Variants in PRMT3 observed in about 807,000 individuals in gnomAD.
The protein encoded by PRMT3 is protein arginine methyltransferase 3.
A neutral mutation model predicts 71.9 loss-of-function variants in PRMT3; 62 were observed. That is an observed-to-expected ratio of 0.86 (90% CI 0.70 to 1.07). PRMT3 has a LOEUF of 1.07. Among genes scored for constraint, PRMT3 ranks in the 50% least tolerant of loss-of-function variants. PRMT3 has a pLI of 0.00. For missense variants in PRMT3, 663 were observed against 643.0 expected (o/e 1.03, Z -0.34); for synonymous variants, 213 against 220.4 (o/e 0.97, Z 0.30).
chr11:20,418,742 A>G (rs533447981), intron 9 of PRMT3, among the ~76,000 whole-genome samples: 29 of 152,204 alleles, frequency 1.9e-4, no homozygotes, highest in Non-Finnish European at 3.5e-4. Context: ...TTTCATCAGA[A>G]TTTTATTAAA....
intron 7 of PRMT3, among the ~76,000 whole-genome samples, chr11:20,398,287 T>G (rs1383225439): frequency 6.6e-6 from 1 of 152,176 alleles, no homozygotes; most frequent in Non-Finnish European, 1.5e-5. Context: ...TAAAGTTTAA[T>G]TATAAATCTC....
chr11:20,402,631 A>G (rs1848974672), intron 7 of PRMT3, among the ~76,000 whole-genome samples: 1 of 152,144 alleles, frequency 6.6e-6, no homozygotes, highest in Admixed American at 6.5e-5. Context: ...ATTAGCTTTA[A>G]TTATCACTCT....
intron 11 of PRMT3, 127 bp downstream of exon 11, chr11:20,452,335 C>T (rs1850169238): frequency 4.3e-6 from 3 of 692,202 alleles, no homozygotes; most frequent in Non-Finnish European, 7.3e-6. Flanking sequence ...GTTTGCATTA[C>T]AAGAAGCTTT....
chr11:20,440,023 C>T (rs192143350), intron 10 of PRMT3, among the ~76,000 whole-genome samples: 3 of 152,266 alleles, frequency 2.0e-5, no homozygotes, highest in East Asian at 3.9e-4. Flanking sequence ...GCTGAAACAA[C>T]TGAATGTCCT....
At chr11:20,416,211 T>C (rs1417886871) in intron 9 of PRMT3, among the ~76,000 whole-genome samples, 1 of 152,174 alleles carries the variant, frequency 6.6e-6, no homozygotes, top group Non-Finnish European at 1.5e-5. Context: ...CCAGACTGAT[T>C]TCCCCACTTA....
chr11:20,445,077 A>G (rs1363485923), intron 10 of PRMT3, among the ~76,000 whole-genome samples: 1 of 43,892 alleles, frequency 2.3e-5, no homozygotes, highest in Non-Finnish European at 1.5e-4. Context: ...CTTTAAATAT[A>G]AAAACATAGG....
At position 20,493,959 on chromosome 11, in the gene PRMT3, G is replaced by C. The variant is rs1313679198; in HGVS notation, c.1388G>C (p.Cys463Ser). The change falls in exon 14 of 16, where the codon TGC (cysteine) becomes TCC (serine). Residue 463 changes from cysteine to serine, a missense_variant. By Grantham distance (112) the Cys-to-Ser change is moderately radical. Coordinates refer to ENST00000331079, the MANE Select transcript of PRMT3 (RefSeq NM_005788.4). Reference protein sequence around the residue: ...GYFDIYFEKNCHNRVVFSTGP... With the variant: ...GYFDIYFEKNSHNRVVFSTGP... ...TTTGATATATATTTTGAGAAGAATT[G>C]CCACAACAGGGTAAGTATCATGAAT... 6.3e-7 allele frequency: 1 copy of C among 1,589,476 alleles called. No individual in the cohort carries two copies. The highest frequency in any genetic ancestry group is 8.6e-7 in the Non-Finnish European group (1 of 1,162,566).
chr11:20,396,045 A>G, intron 6 of PRMT3, 83 bp downstream of exon 6: 1 of 1,267,250 alleles, frequency 7.9e-7, no homozygotes. Context: ...ATAGTAGAAC[A>G]TTTCATATAC....
intron 10 of PRMT3, among the ~76,000 whole-genome samples, chr11:20,451,174 C>A (rs1255612640): frequency 6.6e-6 from 1 of 152,044 alleles, no homozygotes; most frequent in Non-Finnish European, 1.5e-5. Context: ...TTCATTTGTA[C>A]TGTATTATTT....
chr11:20,486,117 T>C lies in PRMT3; in HGVS notation c.1348-7802T>C, dbSNP rs983867057. On this transcript the variant is annotated intron_variant, in intron 13 of 15. Transcript: ENST00000331079. Reference sequence around the variant, plus strand: ...ACCAGTCACAAAAGACCATCTCTTATATGATTCCATTTAGATGAAATATCC... The same window carrying C: ...ACCAGTCACAAAAGACCATCTCTTACATGATTCCATTTAGATGAAATATCC... Among the ~76,000 whole-genome samples, 6 of 152,222 alleles carry C rather than the reference T, an allele frequency of 3.9e-5. No individual in the cohort carries two copies. The South Asian group carries it at 6.2e-4, about 16-fold the overall frequency.
chr11:20,437,371 G>A (rs1849782717), intron 10 of PRMT3, among the ~76,000 whole-genome samples: 1 of 152,124 alleles, frequency 6.6e-6, no homozygotes, highest in African/African-American at 2.4e-5. Context: ...TTTTGATGTA[G>A]ACATCTGGTG....
intron 8 of PRMT3, 59 bp downstream of exon 8, chr11:20,403,043 C>A: frequency 8.0e-7 from 1 of 1,244,902 alleles, no homozygotes; most frequent in Non-Finnish European, 1.2e-6. Context: ...AGTAGAAATC[C>A]TCTCTTGGCT....
At chr11:20,436,233 C>T (rs1280543862) in intron 10 of PRMT3, among the ~76,000 whole-genome samples, 1 of 152,140 alleles carries the variant, frequency 6.6e-6, no homozygotes, top group Non-Finnish European at 1.5e-5. Context: ...AAGATCATGT[C>T]GTCTTCAAAC....
At position 20,508,713 on chromosome 11, in the gene PRMT3, T is replaced by G; in HGVS notation, c.*300T>G. The G allele has an allele frequency of 2.4e-6, 1 of 416,740 alleles. No individual in the cohort carries two copies. The highest frequency in any genetic ancestry group is 3.1e-5 in the Admixed American group (1 of 32,088). The allele number at this position is 416,740 out of a possible 1,614,324, so 25.8% of individuals were successfully genotyped here. A position where few individuals can be genotyped will look rare whatever the true frequency, so the allele number is the denominator to read the frequency against. ...ATTGAAAATCATTTACATTGGCCTA[T>G]ATTTGGAAGAGAGATAGTCTTTTGT... On this transcript the variant is annotated 3_prime_UTR_variant, in exon 16 of 16. Coordinates refer to ENST00000331079, the MANE Select transcript of PRMT3 (RefSeq NM_005788.4).
intron 13 of PRMT3, among the ~76,000 whole-genome samples, chr11:20,473,485 T>C (rs1850702229): frequency 6.6e-6 from 1 of 152,188 alleles, no homozygotes; most frequent in African/African-American, 2.4e-5. Context: ...ATTTCACTTA[T>C]TTACCCAGGA....
rs1167506308 is a variant in PRMT3, at chr11:20,459,457, G to A, written c.1073-2523G>A. ...CTGTATCTAGCCTGCTGCCTGTTTT[G>A]TAGATAAAGTTTTATTGGAACACAG... On this transcript the variant is annotated intron_variant, in intron 11 of 15. Coordinates refer to ENST00000331079, the MANE Select transcript of PRMT3 (RefSeq NM_005788.4). Among the ~76,000 whole-genome samples, 3 of 152,056 alleles carry A rather than the reference G, an allele frequency of 2.0e-5. No individual in the cohort carries two copies. In the East Asian group the frequency reaches 5.8e-4, roughly 29 times the overall value.
chr11:20,446,028 A>G (rs1053603088), intron 10 of PRMT3, among the ~76,000 whole-genome samples: 6 of 152,114 alleles, frequency 3.9e-5, no homozygotes, highest in African/African-American at 1.4e-4. Context: ...TACGCAAATA[A>G]TAGTGCTGTA....
intron 11 of PRMT3, among the ~76,000 whole-genome samples, chr11:20,458,746 C>A (rs545695153): frequency 1.4e-4 from 22 of 152,206 alleles, no homozygotes; most frequent in Admixed American, 6.5e-5. Flanking sequence ...ATTTTATTTG[C>A]AAATTCTAGC....
chr11:20,478,328 T>C (rs1233991546), intron 13 of PRMT3, among the ~76,000 whole-genome samples: 1 of 152,118 alleles, frequency 6.6e-6, no homozygotes, highest in Non-Finnish European at 1.5e-5. Flanking sequence ...CCTACATATT[T>C]AGAATTTTAG....
Sources: gnomAD v4.1 joint callset for allele counts (sites outside exome capture counted in the v4.1 genomes callset) on GRCh38, gnomAD v4.1.1 for gene constraint, MANE v1.5 for transcripts, NCBI Gene and HGNC (gene_info 2026-07-23, HGNC 2026-07-21) for gene names.